Variants in SEM1 observed in about 807,000 individuals in gnomAD.
SEM1 encodes SEM1 26S proteasome subunit.
A neutral mutation model predicts 12.7 loss-of-function variants in SEM1; 3 were observed. The ratio of observed to expected loss-of-function variants is 0.24; its 90% CI spans 0.11 to 0.61. The LOEUF is 0.61. SEM1 is among the 20% of genes least tolerant of loss of function. The probability of loss-of-function intolerance (pLI) is 0.88; values close to 1 mark genes in which losing one functional copy is unlikely to be tolerated. For synonymous variants in SEM1, 30 were observed against 27.8 expected, an observed-to-expected ratio of 1.08 and a Z score of -0.25; for missense variants, 59 against 81.3, an observed-to-expected ratio of 0.73 and a Z score of 1.06.
At chr7:96,632,468 C>A (rs908890594) in intron 2 of SEM1, among the ~76,000 whole-genome samples, 1 of 152,100 alleles carries the variant, frequency 6.6e-6, no homozygotes, top group Admixed American at 6.5e-5. Context: ...AAAGCAAACA[C>A]TGCATGTTCC....
In SEM1 at chr7:96,615,239, ATCTTTTT is replaced by A. The variant is rs1323080882; in HGVS notation, c.170+79552_170+79558del. ...GGACTGTTGGGTTATTTTTTGAGTC[ATCTTTTT>A]TTTTTTTTTTTTTTTTTTTGGAGAC... is the stretch of plus-strand genomic sequence containing the variant. On this transcript the variant is annotated intron_variant and NMD_transcript_variant, in intron 2 of 3. Transcript: ENST00000466986. Among the ~76,000 whole-genome samples, 340 of 98,168 alleles carry A rather than the reference ATCTTTTT, an allele frequency of 3.5e-3. 26 individuals are homozygous for A. The highest frequency in any genetic ancestry group is 5.6e-3 in the South Asian group (16 of 2,866). 64.4% of individuals were successfully genotyped at this position (98,168 alleles called of 152,430 possible).
At chr7:96,576,113 G>A (rs1474387396) in intron 2 of SEM1, among the ~76,000 whole-genome samples, 2 of 152,112 alleles carry the variant, frequency 1.3e-5, no homozygotes, top group African/African-American at 4.8e-5. Flanking sequence ...TTTCTTTGCT[G>A]TGAATTCAAT....
intron 2 of SEM1, among the ~76,000 whole-genome samples, chr7:96,577,075 C>A (rs2116026351): frequency 6.6e-6 from 1 of 151,330 alleles, no homozygotes; most frequent in Middle Eastern, 3.4e-3. Flanking sequence ...TGAGATTGCA[C>A]CACTGCACTC....
chr7:96,589,467 A>G (rs1806759143), intron 2 of SEM1, among the ~76,000 whole-genome samples: 1 of 152,122 alleles, frequency 6.6e-6, no homozygotes, highest in African/African-American at 2.4e-5. Flanking sequence ...CTGAAGTGAG[A>G]CCACAGGATG....
At chr7:96,526,673 GGGCTCT>G (rs72312065) in intron 2 of SEM1, among the ~76,000 whole-genome samples, 40,946 of 151,668 alleles carry the variant, frequency 0.27, 5,588 homozygotes, top group Middle Eastern at 0.39. Context: ...AATGGTTTGT[GGGCTCT>G]GGCTGGTGCC....
chr7:96,592,260 C>G (rs1458425537), intron 2 of SEM1, among the ~76,000 whole-genome samples: 1 of 151,744 alleles, frequency 6.6e-6, no homozygotes, highest in Admixed American at 6.6e-5. Flanking sequence ...AAGACAACTC[C>G]CTCCTTAGCC....
intron 2 of SEM1, among the ~76,000 whole-genome samples, chr7:96,580,889 G>A (rs913814049): frequency 3.9e-5 from 6 of 152,014 alleles, no homozygotes; most frequent in African/African-American, 1.4e-4. Context: ...AGATGAGTAG[G>A]TTGCAAAAAT....
intron 2 of SEM1, among the ~76,000 whole-genome samples, chr7:96,560,544 A>G (rs758716280): frequency 4.1e-4 from 62 of 152,232 alleles, no homozygotes; most frequent in Non-Finnish European, 8.8e-4. Flanking sequence ...TTGTTGGCCT[A>G]TATATTCCAA....
chr7:96,601,102 TG>T (rs1807185004), intron 2 of SEM1, among the ~76,000 whole-genome samples: 1 of 152,186 alleles, frequency 6.6e-6, no homozygotes, highest in South Asian at 2.1e-4. Flanking sequence ...TGGGTTCTTT[TG>T]TTTGGCCCAC....
chr7:96,534,280 A>AC (rs146964882), intron 2 of SEM1, among the ~76,000 whole-genome samples: 1 of 152,230 alleles, frequency 6.6e-6, no homozygotes, highest in Non-Finnish European at 1.5e-5. Context: ...AAAATTTGTA[A>AC]CTGCCACTGT....
intron 2 of SEM1, among the ~76,000 whole-genome samples, chr7:96,581,289 G>A (rs541282687): frequency 3.5e-4 from 53 of 152,118 alleles, no homozygotes; most frequent in African/African-American, 1.2e-3. Flanking sequence ...GCAGATATGC[G>A]GCGTTATTTC....
chr7:96,593,307 A>G (rs1236077806), intron 2 of SEM1, among the ~76,000 whole-genome samples: 2 of 152,200 alleles, frequency 1.3e-5, no homozygotes, highest in South Asian at 2.1e-4. Context: ...GAATATCTAC[A>G]CATACCCTAC....
At chr7:96,608,063 T>C (rs899261027) in intron 2 of SEM1, among the ~76,000 whole-genome samples, 1 of 152,132 alleles carries the variant, frequency 6.6e-6, no homozygotes, top group Non-Finnish European at 1.5e-5. Context: ...GGGGTTCCTT[T>C]TGGAACTGAA....
chr7:96,572,001 G>C (rs960683620), intron 2 of SEM1, among the ~76,000 whole-genome samples: 1 of 152,038 alleles, frequency 6.6e-6, no homozygotes, highest in African/African-American at 2.4e-5. Context: ...CTTCTTCCTG[G>C]TTTAGTCTTG....
chr7:96,587,690 C>G (rs1446594218), intron 2 of SEM1, among the ~76,000 whole-genome samples: 1 of 151,268 alleles, frequency 6.6e-6, no homozygotes, highest in East Asian at 1.9e-4. Context: ...ACATTCTGAA[C>G]TCTTCTAAAG....
intron 1 of SEM1, among the ~76,000 whole-genome samples, chr7:96,707,114 C>T (rs1790491305): frequency 1.3e-5 from 2 of 152,072 alleles, no homozygotes; most frequent in Admixed American, 1.3e-4. Context: ...TGGTAAAGCC[C>T]ACACTGATTA....
chr7:96,556,330 G>A (rs181043325), intron 2 of SEM1, among the ~76,000 whole-genome samples: 2,325 of 151,974 alleles, frequency 0.015, 22 homozygotes, highest in South Asian at 0.032. Context: ...GGCTGGTACC[G>A]GTTGTTCCTT....
At chr7:96,689,750 T>C (rs373716250) in intron 2 of SEM1, among the ~76,000 whole-genome samples, 1 of 152,328 alleles carries the variant, frequency 6.6e-6, no homozygotes, top group East Asian at 1.9e-4. Context: ...TTTCCATAAA[T>C]TATATCAAGG....
chr7:96,486,612 C>G (rs1222561297), intron 1 of SEM1, among the ~76,000 whole-genome samples: 6 of 152,148 alleles, frequency 3.9e-5, no homozygotes, highest in Non-Finnish European at 1.5e-5. Context: ...CTCTCCCTGA[C>G]CCTCAGGCCT....
Sources: gnomAD v4.1 joint callset for allele counts (sites outside exome capture counted in the v4.1 genomes callset) on GRCh38, gnomAD v4.1.1 for gene constraint, MANE v1.5 for transcripts, NCBI Gene and HGNC (gene_info 2026-07-23, HGNC 2026-07-21) for gene names.